The following KDM3A variants were observed in gnomAD, a reference collection of about 807,000 sequenced individuals.
The protein encoded by KDM3A is lysine-specific demethylase 3A.
Under a neutral mutation model 158.0 loss-of-function variants are expected in KDM3A, and 60 were observed. The observed-to-expected ratio is 0.38, with a 90% CI of 0.31 to 0.47. The LOEUF (loss-of-function observed/expected upper bound fraction) is 0.47, where lower values mean the gene tolerates loss of function less well. Among genes scored for constraint, KDM3A ranks in the 20% least tolerant of loss-of-function variants. The probability of loss-of-function intolerance (pLI) is 0.99; values close to 1 mark genes in which losing one functional copy is unlikely to be tolerated. For synonymous variants in KDM3A, 608 were observed against 549.3 expected (o/e 1.11, Z -1.49); for missense variants, 1,319 against 1,574.3 (o/e 0.84, Z 2.74).
At chr2:86,455,813 C>T (rs555224309) in intron 5 of KDM3A, among the ~76,000 whole-genome samples, 10 of 151,408 alleles carry the variant, frequency 6.6e-5, no homozygotes, top group East Asian at 1.9e-4. Context: ...AAAATTAGCC[C>T]GGTGTGGTGG....
chr2:86,490,999 G>A lies in KDM3A; in HGVS notation c.3692G>A (p.Trp1231Ter). 6.2e-7 allele frequency: 1 copy of A among 1,614,004 alleles called. No homozygotes were observed. The highest frequency in any genetic ancestry group is 1.7e-5 in the Admixed American group (1 of 60,010). Residue 1231 changes from tryptophan to a stop codon, truncating the protein, a stop_gained, in exon 24 of 26, where the codon TGG becomes TAG. Transcript: ENST00000312912. LOFTEE classifies it high-confidence loss of function. ...CATCAAGAGTATGGAGTTCAAGGCTGGGCTATTGTACAGTTTCTTGGGGAT... is the reference window on the plus strand; with the variant it reads ...CATCAAGAGTATGGAGTTCAAGGCTAGGCTATTGTACAGTTTCTTGGGGAT... ...RLHQEYGVQGWAIVQFLGDVV... is the reference protein window; with the variant it reads ...RLHQEYGVQG
At chr2:86,490,469 T>C (rs1173678847) in intron 23 of KDM3A, 1 of 155,342 alleles carries the variant, frequency 6.4e-6, no homozygotes, top group Non-Finnish European at 1.4e-5. Flanking sequence ...TACCAGTTAC[T>C]GGATCAAGGA....
At chr2:86,478,848 C>A in intron 15 of KDM3A, 113 bp downstream of exon 15, 1 of 982,498 alleles carries the variant, frequency 1.0e-6, no homozygotes, top group Non-Finnish European at 1.5e-6. Flanking sequence ...GGATAGCTAT[C>A]AAGTGGAAAG....
chr2:86,488,803 T>G, intron 21 of KDM3A: 1 of 155,638 alleles, frequency 6.4e-6, no homozygotes, highest in Non-Finnish European at 1.4e-5. Context: ...AGCCACAGAC[T>G]GAACACTGTG....
chr2:86,455,953 CAAAAAAAAAAAA>C (rs574299612), intron 5 of KDM3A, among the ~76,000 whole-genome samples: 2 of 56,194 alleles, frequency 3.6e-5, no homozygotes, highest in Non-Finnish European at 7.4e-5. Flanking sequence ...GACCCTGTCT[CAAAAAAAAAAAA>C]AAAAAAAAGA....
At chr2:86,439,012 T>C (rs984182215), upstream of KDM3A, among the ~76,000 whole-genome samples, 2 of 152,084 alleles carry the variant, frequency 1.3e-5, no homozygotes, top group Admixed American at 1.3e-4. Context: ...TATTTGCAGA[T>C]GTTTTTTCGT....
chr2:86,454,989 C>G (rs1672624498), intron 4 of KDM3A, 96 bp from the exon 5 acceptor site: 1 of 671,312 alleles, frequency 1.5e-6, no homozygotes, highest in Non-Finnish European at 2.5e-6. Flanking sequence ...ACTACTTTAA[C>G]CCATTTGATT....
At chr2:86,456,247 C>T (rs189099305) in intron 5 of KDM3A, among the ~76,000 whole-genome samples, 195 bp from the exon 6 acceptor site, 2 of 151,690 alleles carry the variant, frequency 1.3e-5, no homozygotes, top group African/African-American at 2.4e-5. Flanking sequence ...TACTTTGGTC[C>T]GATACAAAAT....
upstream of KDM3A, among the ~76,000 whole-genome samples, chr2:86,438,687 A>C (rs758279844): frequency 7.2e-5 from 11 of 152,106 alleles, no homozygotes; most frequent in Non-Finnish European, 1.3e-4. Flanking sequence ...TTAGAATTAC[A>C]AATAATATGT....
Position 86,475,394 on chromosome 2 carries a change from A to C in KDM3A, c.1939+404A>C, listed in dbSNP as rs185109197. Among the ~76,000 whole-genome samples, 1,010 of 152,364 alleles carry C rather than the reference A, an allele frequency of 6.6e-3. 6 individuals carry two copies. Among genetic ancestry groups the C allele is most frequent in the Non-Finnish European group, 0.011 (740 of 68,038 alleles). ...TCAGACCTACCGAGTTAGAGTCTGC[A>C]GGGCTGGGTCCCAGACTTGAGAATG... On this transcript the variant is annotated intron_variant, in intron 12 of 25. Transcript: ENST00000312912.
At chr2:86,482,809 C>T in intron 18 of KDM3A, 115 bp downstream of exon 18, 1 of 936,686 alleles carries the variant, frequency 1.1e-6, no homozygotes, top group East Asian at 2.4e-5. Context: ...CTGTTTTATT[C>T]TTTATTGTTT....
At chr2:86,481,090 A>C (rs1673905669) in intron 16 of KDM3A, among the ~76,000 whole-genome samples, 1 of 152,214 alleles carries the variant, frequency 6.6e-6, no homozygotes, top group Admixed American at 6.5e-5. Context: ...AATGTAGAAG[A>C]ATCATGGGAC....
chr2:86,470,432 A>G, intron 11 of KDM3A, 24 bp downstream of exon 11: 2 of 1,601,112 alleles, frequency 1.2e-6, no homozygotes, highest in Non-Finnish European at 1.7e-6. Context: ...GGAAAAGTTC[A>G]GATAATCTGG....
rs1237299432 is a variant in KDM3A, at chr2:86,478,942, T to C, written c.2316+207T>C. 9.0e-6 allele frequency: 4 copies of C among 446,054 alleles called. No individual in the cohort carries two copies. In the East Asian group the frequency reaches 1.1e-4, roughly 12 times the overall value. 27.6% of individuals were successfully genotyped at this position (446,054 alleles called of 1,614,324 possible). A position where few individuals can be genotyped will look rare whatever the true frequency, so the allele number is the denominator to read the frequency against. On this transcript the variant is annotated intron_variant, in intron 15 of 25. Transcript: ENST00000312912. Reference sequence around the variant, plus strand: ...CACATTACTTTCGTAGACTCTACTGTGGCCTCTTGTAGTAGGTTTTACATT... The same window carrying C: ...CACATTACTTTCGTAGACTCTACTGCGGCCTCTTGTAGTAGGTTTTACATT...
chr2:86,453,655 T>C (rs1321386678), intron 4 of KDM3A, among the ~76,000 whole-genome samples: 1 of 152,194 alleles, frequency 6.6e-6, no homozygotes, highest in Non-Finnish European at 1.5e-5. Flanking sequence ...TAATTAAATT[T>C]TTTGAAATTG....
At chr2:86,443,961 G>C (rs1682849100) in intron 2 of KDM3A, among the ~76,000 whole-genome samples, 2 of 152,094 alleles carry the variant, frequency 1.3e-5, no homozygotes, top group Middle Eastern at 3.2e-3. Flanking sequence ...TATGTGATTT[G>C]AATGGAAACA....
chr2:86,471,718 AAG>A (rs1157521842), intron 11 of KDM3A, among the ~76,000 whole-genome samples: 1 of 152,200 alleles, frequency 6.6e-6, no homozygotes, highest in East Asian at 1.9e-4. Context: ...TTAACGAAGT[AAG>A]AGTTTTTTAG....
At chr2:86,439,281 C>T (rs1682553519), upstream of KDM3A, among the ~76,000 whole-genome samples, 1 of 151,930 alleles carries the variant, frequency 6.6e-6, no homozygotes, top group African/African-American at 2.4e-5. Context: ...ATTTTCTAAT[C>T]TTGAAGTATC....
Position 86,442,181 on chromosome 2 carries a change from C to T in KDM3A, c.134C>T (p.Ser45Phe). 2 of 1,613,940 alleles carry T rather than the reference C, an allele frequency of 1.2e-6. No individual in the cohort carries two copies. The highest frequency in any genetic ancestry group is 1.7e-6 in the Non-Finnish European group (2 of 1,179,924). The change falls in exon 2 of 26, where the codon TCC becomes TTC. Residue 45 changes from serine (S) to phenylalanine (F), a missense_variant. By Grantham distance (155) the Ser-to-Phe change is radical (BLOSUM62 -2). Transcript: ENST00000312912. Reference sequence around the variant, plus strand: ...CGCGTCGCCGAGTGGCCCTGGCTCTCCGGGACCATTCGAGCTGTTTCCCAC... The same window carrying T: ...CGCGTCGCCGAGTGGCCCTGGCTCTTCGGGACCATTCGAGCTGTTTCCCAC... ...VERVAEWPWL[S>F]GTIRAVSHTD...
Sources: allele counts gnomAD v4.1 joint callset (sites outside exome capture counted in the v4.1 genomes callset), GRCh38; gene constraint gnomAD v4.1.1; transcripts MANE v1.5; gene names NCBI Gene and HGNC (gene_info 2026-07-23, HGNC 2026-07-21).